AKAP6: variants seen among roughly 807,000 people sequenced by gnomAD.
The protein encoded by AKAP6 is A-kinase anchor protein 6.
AKAP6 carries 58 observed loss-of-function variants against 188.5 expected under a neutral mutation model. The observed-to-expected ratio is 0.31, with a 90% confidence interval of 0.25 to 0.38. The LOEUF (loss-of-function observed/expected upper bound fraction) is 0.38. Ranked by LOEUF, AKAP6 falls within the 10% of genes least tolerant of loss-of-function variation. The pLI, the probability that AKAP6 is intolerant of heterozygous loss-of-function variation, is 1.00. For synonymous variants in AKAP6, 989 were observed against 998.6 expected, an observed-to-expected ratio of 0.99 and a Z score of 0.18; for missense variants, 2,710 against 2,740.0, an observed-to-expected ratio of 0.99 and a Z score of 0.24.
intron 7 of AKAP6, among the ~76,000 whole-genome samples, chr14:32,628,747 A>G (rs1887131514): frequency 6.6e-6 from 1 of 152,066 alleles, no homozygotes; most frequent in South Asian, 2.1e-4. Context: ...AAAAAAGTCC[A>G]AAACACCAGA....
rs185687306 is a variant in AKAP6, at chr14:32,523,300, A to G, written c.325-12254A>G. Among the ~76,000 whole-genome samples, 425 of 152,318 alleles carry G rather than the reference A, an allele frequency of 2.8e-3. 1 individual carries two copies. The highest frequency in any genetic ancestry group is 4.5e-3 in the Non-Finnish European group (307 of 68,038). ...TATGTAACAAACCTGCACGTTGTGC[A>G]CATGTTCCCTAGAACTTAAAGTAGA... On this transcript the variant is annotated intron_variant, in intron 2 of 13. Coordinates refer to ENST00000280979, the MANE Select transcript of AKAP6 (RefSeq NM_004274.5).
chr14:32,466,135 A>C (rs2138841891), intron 2 of AKAP6, among the ~76,000 whole-genome samples: 1 of 152,336 alleles, frequency 6.6e-6, no homozygotes. Context: ...GTGGGAGTGT[A>C]AATTATTTCA....
At chr14:32,516,159 CT>C (rs1179293720) in intron 2 of AKAP6, among the ~76,000 whole-genome samples, 1 of 152,146 alleles carries the variant, frequency 6.6e-6, no homozygotes, top group East Asian at 1.9e-4. Context: ...GATTTTTGTC[CT>C]TTTTGCGTAT....
intron 2 of AKAP6, among the ~76,000 whole-genome samples, chr14:32,490,008 T>G: frequency 6.6e-6 from 1 of 152,130 alleles, no homozygotes; most frequent in East Asian, 1.9e-4. Flanking sequence ...GAGCAATGTT[T>G]TTCGGACAGG....
chr14:32,533,809 G>A (rs1179338951), intron 2 of AKAP6, among the ~76,000 whole-genome samples: 4 of 152,164 alleles, frequency 2.6e-5, no homozygotes, highest in African/African-American at 4.8e-5. Flanking sequence ...CAGCAGAGAC[G>A]AGCTAATCTG....
intron 2 of AKAP6, chr14:32,438,921 G>A (rs1349948347): frequency 6.6e-6 from 1 of 152,200 alleles, no homozygotes; most frequent in African/African-American, 2.4e-5. Context: ...TCCTGGAAAC[G>A]TGATAGCAGG....
At position 32,568,617 on chromosome 14, in the gene AKAP6, G is replaced by A. The variant is rs1056342234; in HGVS notation, c.2347-8503G>A. 1.3e-5 allele frequency among the ~76,000 whole-genome samples: 2 copies of A among 152,080 alleles called. No homozygotes were observed. The highest frequency in any genetic ancestry group is 2.9e-5 in the Non-Finnish European group (2 of 68,008). On this transcript the variant is annotated intron_variant, in intron 4 of 13. Coordinates refer to ENST00000280979, the MANE Select transcript of AKAP6 (RefSeq NM_004274.5). This position sits in a 1 kb window ranked among gnomAD's most constrained non-coding sequence, Gnocchi z 6.2. ...GAGGATTGGGGGTGCTTGAAGCAAG[G>A]TCTCACCTAGAGCAAGTCTGCCAAG...
intron 7 of AKAP6, among the ~76,000 whole-genome samples, chr14:32,660,977 G>A (rs560024182): frequency 3.3e-5 from 4 of 119,414 alleles, no homozygotes; most frequent in Non-Finnish European, 4.7e-5. Flanking sequence ...ATATCTCATT[G>A]CTCCCTCTCC....
At chr14:32,647,941 G>A (rs539611960) in intron 7 of AKAP6, among the ~76,000 whole-genome samples, 3 of 152,128 alleles carry the variant, frequency 2.0e-5, no homozygotes, top group Non-Finnish European at 4.4e-5. Context: ...CCCTAAAAAG[G>A]TATACCATTA....
At chr14:32,342,598 C>T (rs1011986073) in intron 1 of AKAP6, among the ~76,000 whole-genome samples, 2 of 152,162 alleles carry the variant, frequency 1.3e-5, no homozygotes, top group Non-Finnish European at 2.9e-5. Flanking sequence ...CATGATCTTT[C>T]TGCTGCTCTT....
At chr14:32,500,680 A>G (rs1378006575) in intron 2 of AKAP6, among the ~76,000 whole-genome samples, 1 of 152,148 alleles carries the variant, frequency 6.6e-6, no homozygotes, top group African/African-American at 2.4e-5. Flanking sequence ...TAATTACCAT[A>G]TATGGGGAAA....
At chr14:32,633,576 A>G (rs1194394183) in intron 7 of AKAP6, among the ~76,000 whole-genome samples, 2 of 152,030 alleles carry the variant, frequency 1.3e-5, no homozygotes, top group Non-Finnish European at 2.9e-5. Flanking sequence ...TTTAGGAGCC[A>G]TTGCATGTCT....
chr14:32,540,097 G>GA (rs140005041), intron 3 of AKAP6, among the ~76,000 whole-genome samples: 45 of 105,232 alleles, frequency 4.3e-4, no homozygotes, highest in African/African-American at 1.1e-3. Flanking sequence ...CTTAGAATTA[G>GA]AAAAAAAAAA....
intron 9 of AKAP6, among the ~76,000 whole-genome samples, chr14:32,705,677 C>T (rs143187970): frequency 1.4e-3 from 213 of 152,174 alleles, no homozygotes; most frequent in African/African-American, 5.0e-3. Flanking sequence ...AGAACTTGTC[C>T]CTTAGTCAGG....
intron 2 of AKAP6, among the ~76,000 whole-genome samples, chr14:32,535,272 G>T (rs1171120464): frequency 1.3e-5 from 2 of 152,138 alleles, no homozygotes; most frequent in African/African-American, 4.8e-5. Flanking sequence ...TTGGAGAGAT[G>T]CACCTCTCAC....
At chr14:32,433,159 G>A (rs773267151) in intron 1 of AKAP6, 30 of 258,222 alleles carry the variant, frequency 1.2e-4, no homozygotes, top group Middle Eastern at 1.4e-3. Context: ...TTTAAATTCT[G>A]TGCAGGAATA....
intron 2 of AKAP6, among the ~76,000 whole-genome samples, chr14:32,444,909 A>C (rs552096009): frequency 2.0e-5 from 3 of 152,352 alleles, no homozygotes; most frequent in Non-Finnish European, 4.4e-5. Context: ...CATGATGAGG[A>C]GAGAGATTGT....
At chr14:32,440,692 AT>A (rs1890544576) in intron 2 of AKAP6, among the ~76,000 whole-genome samples, 1 of 152,176 alleles carries the variant, frequency 6.6e-6, no homozygotes, top group Non-Finnish European at 1.5e-5. Flanking sequence ...TAATTCTTAT[AT>A]GGGATTAAAA....
intron 12 of AKAP6, among the ~76,000 whole-genome samples, chr14:32,781,371 T>C (rs991317524): frequency 6.7e-6 from 1 of 149,198 alleles, no homozygotes; most frequent in Non-Finnish European, 1.5e-5. Flanking sequence ...AAAGAGAATA[T>C]GAAGGTAATT....
Sources: gnomAD v4.1 joint callset for allele counts (sites outside exome capture counted in the v4.1 genomes callset) on GRCh38, gnomAD v4.1.1 for gene constraint, Gnocchi (gnomAD v3.1) non-coding constraint, MANE v1.5 for transcripts, NCBI Gene and HGNC (gene_info 2026-07-23, HGNC 2026-07-21) for gene names.